STAC: variants seen among roughly 807,000 people sequenced by gnomAD.
STAC encodes the protein SH3 and cysteine-rich domain-containing protein.
Under a neutral mutation model 48.8 loss-of-function variants are expected in STAC, and 43 were observed. That is an observed-to-expected ratio of 0.88 (90% CI 0.69 to 1.14). STAC has a LOEUF of 1.14. STAC is among the 50% of genes most tolerant of loss of function. The pLI is 0.00. For synonymous variants in STAC, 193 were observed against 179.5 expected (o/e 1.07, Z -0.60); for missense variants, 497 against 504.0 (o/e 0.99, Z 0.13).
intron 8 of STAC, among the ~76,000 whole-genome samples, chr3:36,506,831 T>C (rs926632454): frequency 1.3e-5 from 2 of 152,172 alleles, no homozygotes; most frequent in Admixed American, 1.3e-4. Flanking sequence ...TGGGCTAAGA[T>C]GATGGGGTTT....
intron 2 of STAC, among the ~76,000 whole-genome samples, chr3:36,457,525 G>A (rs1425076490): frequency 6.6e-6 from 1 of 152,168 alleles, no homozygotes; most frequent in African/African-American, 2.4e-5. Context: ...AAAAGGGGTT[G>A]AGCATGAATT....
intron 1 of STAC, among the ~76,000 whole-genome samples, chr3:36,386,989 CCA>C (rs1575168377): frequency 6.6e-6 from 1 of 151,962 alleles, no homozygotes; most frequent in African/African-American, 2.4e-5. Flanking sequence ...TGTTCTCACT[CCA>C]GAGTATTTGC....
chr3:36,404,012 A>G (rs184013457), intron 1 of STAC, among the ~76,000 whole-genome samples: 4 of 152,340 alleles, frequency 2.6e-5, no homozygotes, highest in Admixed American at 2.6e-4. Context: ...TCTGTATGCT[A>G]CAAGCTCAAA....
intron 2 of STAC, among the ~76,000 whole-genome samples, chr3:36,473,895 T>A (rs78250248): frequency 2.0e-3 from 297 of 152,228 alleles, no homozygotes; most frequent in African/African-American, 7.0e-3. Flanking sequence ...TCAATATCAT[T>A]TTAAAAAACA....
At chr3:36,412,579 T>C (rs535789537) in intron 1 of STAC, among the ~76,000 whole-genome samples, 2 of 152,308 alleles carry the variant, frequency 1.3e-5, no homozygotes, top group African/African-American at 4.8e-5. Flanking sequence ...AAGATATTCT[T>C]CTACATTGTC....
chr3:36,516,218 G>A (rs889962319), intron 8 of STAC, among the ~76,000 whole-genome samples: 7 of 151,726 alleles, frequency 4.6e-5, no homozygotes, highest in Non-Finnish European at 7.4e-5. Flanking sequence ...TCCTGACCTC[G>A]TGATCCTCCC....
At chr3:36,430,965 G>A (rs1365658409) in intron 1 of STAC, among the ~76,000 whole-genome samples, 1 of 152,136 alleles carries the variant, frequency 6.6e-6, no homozygotes, top group Non-Finnish European at 1.5e-5. Context: ...GGGGATTAAG[G>A]CATCAACATA....
At chr3:36,410,189 G>T (rs746541268) in intron 1 of STAC, among the ~76,000 whole-genome samples, 8 of 152,074 alleles carry the variant, frequency 5.3e-5, no homozygotes, top group Non-Finnish European at 1.2e-4. Context: ...AAAATGTAAC[G>T]CATTTTCTGT....
rs71085123 is a variant in STAC at position 36,398,559 on chromosome 3, GGGAAGGAA to G, written c.111+17839_111+17846del. ...AAAGAGAGGTAAAGAGAAAGAGAGA[GGGAAGGAA>G]GGAAGGAAGGAAGGAAGGAAGGAAG... On this transcript the variant is annotated intron_variant, in intron 1 of 10. Coordinates refer to ENST00000273183, the MANE Select transcript of STAC (RefSeq NM_003149.3). Among the ~76,000 whole-genome samples the G allele has an allele frequency of 2.6e-4, 8 of 30,986 alleles. No individual in the cohort carries two copies. In the East Asian group the frequency reaches 6.0e-3, roughly 23 times the overall value. The allele number at this position is 30,986 out of a possible 152,430, so 20.3% of individuals were successfully genotyped here.
chr3:36,476,623 A>G (rs1447099845), intron 2 of STAC, among the ~76,000 whole-genome samples: 2 of 152,202 alleles, frequency 1.3e-5, no homozygotes, highest in African/African-American at 4.8e-5. Flanking sequence ...GTTAGTGTAT[A>G]TTCAAGGACA....
At chr3:36,437,931 G>GTTAT (rs1362673521) in intron 1 of STAC, among the ~76,000 whole-genome samples, 1,838 of 140,562 alleles carry the variant, frequency 0.013, 21 homozygotes, top group Non-Finnish European at 0.012. Flanking sequence ...TATTCATTGA[G>GTTAT]TTATTATTAT....
intron 1 of STAC, among the ~76,000 whole-genome samples, chr3:36,421,973 G>A (rs974670746): frequency 6.6e-6 from 1 of 152,050 alleles, no homozygotes; most frequent in African/African-American, 2.4e-5. Flanking sequence ...AAAAAGTAGA[G>A]AGTATATAAA....
chr3:36,458,393 CTCTT>C (rs1183287406), intron 2 of STAC, among the ~76,000 whole-genome samples: 1 of 152,132 alleles, frequency 6.6e-6, no homozygotes. Context: ...AAATATCAAG[CTCTT>C]TCTAAAATAT....
At chr3:36,545,471 G>C (rs1699424287) in intron 10 of STAC, among the ~76,000 whole-genome samples, 1 of 152,140 alleles carries the variant, frequency 6.6e-6, no homozygotes, top group Non-Finnish European at 1.5e-5. Context: ...TCCAACCTAA[G>C]ACAAGGCCTG....
intron 10 of STAC, among the ~76,000 whole-genome samples, chr3:36,535,190 C>T (rs761811467): frequency 2.0e-5 from 3 of 152,090 alleles, no homozygotes; most frequent in Non-Finnish European, 4.4e-5. Flanking sequence ...ATCCTTCACT[C>T]GCCTTGTTAG....
intron 1 of STAC, among the ~76,000 whole-genome samples, chr3:36,442,484 A>T (rs1473687594): frequency 6.6e-6 from 1 of 152,182 alleles, no homozygotes; most frequent in East Asian, 1.9e-4. Context: ...GGGGATGGAC[A>T]GAGCAAGGTG....
intron 1 of STAC, among the ~76,000 whole-genome samples, chr3:36,425,430 G>A (rs989657374): frequency 6.6e-5 from 10 of 152,190 alleles, no homozygotes; most frequent in East Asian, 1.9e-4. Context: ...AAGACTGACC[G>A]AGGACCTGAT....
At chr3:36,389,491 C>A (rs1490682248) in intron 1 of STAC, among the ~76,000 whole-genome samples, 1 of 152,094 alleles carries the variant, frequency 6.6e-6, no homozygotes, top group Non-Finnish European at 1.5e-5. Context: ...TAATTTTCAA[C>A]AAATGAATTT....
intron 1 of STAC, among the ~76,000 whole-genome samples, chr3:36,390,451 C>CTTT (rs59589769): frequency 3.7e-4 from 30 of 80,822 alleles, no homozygotes; most frequent in South Asian, 5.1e-4. Flanking sequence ...TTTTTCTTTT[C>CTTT]TTTTTTTTTT....
Sources: gnomAD v4.1 joint callset for allele counts (sites outside exome capture counted in the v4.1 genomes callset) on GRCh38, gnomAD v4.1.1 for gene constraint, MANE v1.5 for transcripts, NCBI Gene and HGNC (gene_info 2026-07-23, HGNC 2026-07-21) for gene names.